LIMK2: variants seen among roughly 807,000 people sequenced by gnomAD.
LIMK2 encodes the protein LIM domain kinase 2.
A neutral mutation model predicts 75.7 loss-of-function variants in LIMK2; 35 were observed. The ratio of observed to expected loss-of-function variants is 0.46; its 90% CI spans 0.35 to 0.61. The LOEUF is 0.61. Among genes scored for constraint, LIMK2 ranks in the 20% least tolerant of loss-of-function variants. The pLI, the probability that LIMK2 is intolerant of heterozygous loss-of-function variation, is 0.00. For missense variants in LIMK2, 623 were observed against 831.0 expected (o/e 0.75, Z 3.08); for synonymous variants, 301 against 319.2 (o/e 0.94, Z 0.61).
At chr22:31,249,132 C>T (rs1334268564) in intron 2 of LIMK2, among the ~76,000 whole-genome samples, 2 of 152,202 alleles carry the variant, frequency 1.3e-5, no homozygotes, top group East Asian at 1.9e-4. Context: ...GTCTTACCTG[C>T]GGGCCATGCT....
chr22:31,269,426 C>G (rs921078280), intron 11 of LIMK2, among the ~76,000 whole-genome samples: 58 of 151,786 alleles, frequency 3.8e-4, no homozygotes, highest in African/African-American at 1.3e-3. Context: ...CCATGCCCGG[C>G]AGGAAAAGAT....
chr22:31,248,919 C>T, intron 2 of LIMK2: 1 of 796,544 alleles, frequency 1.3e-6, no homozygotes, highest in East Asian at 2.6e-5. Context: ...GGAGAATCGG[C>T]CTTGTGAGGT....
chr22:31,258,147 A>T, intron 2 of LIMK2, 144 bp from the exon 3 acceptor site: 1 of 770,838 alleles, frequency 1.3e-6, no homozygotes, highest in Non-Finnish European at 2.0e-6. Flanking sequence ...TTGGGGAGAT[A>T]GCACAAGGCT....
intron 1 of LIMK2, among the ~76,000 whole-genome samples, chr22:31,216,473 G>A (rs1247230958): frequency 3.9e-5 from 6 of 152,120 alleles, no homozygotes; most frequent in Non-Finnish European, 5.9e-5. Context: ...AGTAGGCACC[G>A]TAGGTTTAGA....
intron 1 of LIMK2, among the ~76,000 whole-genome samples, chr22:31,225,441 TTTTG>T (rs1183433488): frequency 6.6e-6 from 1 of 152,200 alleles, no homozygotes; most frequent in East Asian, 1.9e-4. Context: ...AAAAGGCAAG[TTTTG>T]TTTCAGTAGA....
chr22:31,273,847 A>G (rs549530056), intron 14 of LIMK2, among the ~76,000 whole-genome samples: 3 of 151,950 alleles, frequency 2.0e-5, no homozygotes, highest in South Asian at 2.1e-4. Context: ...ACCGGCACAC[A>G]CCACCATGCC....
chr22:31,276,840 C>T, intron 15 of LIMK2: 2 of 1,611,936 alleles, frequency 1.2e-6, no homozygotes, highest in Non-Finnish European at 1.7e-6. Flanking sequence ...ATGATGAGGG[C>T]CCAGTGAGGC....
intron 2 of LIMK2, chr22:31,248,391 A>G: frequency 7.4e-7 from 1 of 1,352,824 alleles, no homozygotes; most frequent in Non-Finnish European, 9.7e-7. Context: ...TTAGCTAGTC[A>G]CCGGCCCCTG....
chr22:31,258,652 G>T, intron 3 of LIMK2: 1 of 519,978 alleles, frequency 1.9e-6, no homozygotes. Context: ...GGGAGGAGAG[G>T]CAGGCAGAGA....
At chr22:31,245,726 A>G (rs1485753163) in intron 2 of LIMK2, among the ~76,000 whole-genome samples, 1 of 152,168 alleles carries the variant, frequency 6.6e-6, no homozygotes, top group African/African-American at 2.4e-5. Context: ...GGCATGAGCC[A>G]CTATGCCTGG....
chr22:31,252,108 T>C lies in LIMK2; in HGVS notation c.117-6183T>C, dbSNP rs116708962. ...GAGAATTTACCTGTAAACATTTTTG[T>C]CTGAAGAATTTGGATGTAAGTGAGG... On this transcript the variant is annotated intron_variant, in intron 2 of 15. Coordinates refer to ENST00000331728, the MANE Select transcript of LIMK2 (RefSeq NM_005569.4). Among the ~76,000 whole-genome samples, 909 of 152,304 alleles carry C rather than the reference T, an allele frequency of 6.0e-3. 11 individuals are homozygous for C. The highest frequency in any genetic ancestry group is 0.021 in the African/African-American group (856 of 41,552).
chr22:31,249,993 G>A (rs2048709224), intron 2 of LIMK2, among the ~76,000 whole-genome samples: 1 of 152,160 alleles, frequency 6.6e-6, no homozygotes, highest in South Asian at 2.1e-4. Context: ...GCCTCACTGG[G>A]CAGCTTTTTC....
intron 2 of LIMK2, among the ~76,000 whole-genome samples, chr22:31,251,223 T>C (rs1258654470): frequency 1.3e-5 from 2 of 152,250 alleles, no homozygotes. Flanking sequence ...CATTTTTCTT[T>C]TTATAGAATT....
In LIMK2 at chr22:31,270,829, G is replaced by C. The variant is rs1036900573; in HGVS notation, c.1318-307G>C. On this transcript the variant is annotated intron_variant, in intron 11 of 15. Transcript: ENST00000331728. The stretch of plus-strand genomic sequence containing the variant: ...GTAGAGGTGGAGGGGGTGCTGCAAC[G>C]GCCAGGGTTTTCTGAAGTTGGGGAC... Among the ~76,000 whole-genome samples, 3 of 152,326 alleles carry C rather than the reference G, an allele frequency of 2.0e-5. No individual in the cohort carries two copies. The East Asian group carries it at 5.8e-4, about 29-fold the overall frequency.
chr22:31,266,548 C>G (rs984917431), intron 8 of LIMK2, among the ~76,000 whole-genome samples: 2 of 152,118 alleles, frequency 1.3e-5, no homozygotes, highest in African/African-American at 4.8e-5. Flanking sequence ...GAGGGGGGGT[C>G]AGGTAAGACG....
chr22:31,253,179 A>T (rs1176541053), intron 2 of LIMK2, among the ~76,000 whole-genome samples: 1 of 151,964 alleles, frequency 6.6e-6, no homozygotes, highest in Non-Finnish European at 1.5e-5. Flanking sequence ...AGCTCAATTC[A>T]CTCTGGCTCC....
chr22:31,266,622 G>A lies in LIMK2; in HGVS notation c.1042-362G>A, dbSNP rs1017288577. ...CCCCCGATCCACCCAGCTCCCTGGT[G>A]CATGTCTTTGGCACTGACCTTCCTG... On this transcript the variant is annotated intron_variant, in intron 8 of 15. Coordinates refer to ENST00000331728, the MANE Select transcript of LIMK2 (RefSeq NM_005569.4). Among the ~76,000 whole-genome samples the A allele has an allele frequency of 9.9e-5, 15 of 152,276 alleles. No homozygotes were observed. The South Asian group carries it at 1.2e-3, about 13-fold the overall frequency.
At chr22:31,221,580 G>T (rs374520216) in intron 1 of LIMK2, among the ~76,000 whole-genome samples, 2 of 152,076 alleles carry the variant, frequency 1.3e-5, no homozygotes, top group Non-Finnish European at 2.9e-5. Flanking sequence ...CGCCTACCAG[G>T]TTCAAGCAAT....
At chr22:31,258,241 G>C in intron 2 of LIMK2, 50 bp from the exon 3 acceptor site, 1 of 1,542,740 alleles carries the variant, frequency 6.5e-7, no homozygotes, top group East Asian at 2.3e-5. Context: ...AGCTTATGTG[G>C]CCTGGTTCCA....
Sources: gnomAD v4.1 joint callset for allele counts (sites outside exome capture counted in the v4.1 genomes callset) on GRCh38, gnomAD v4.1.1 for gene constraint, MANE v1.5 for transcripts, NCBI Gene and HGNC (gene_info 2026-07-23, HGNC 2026-07-21) for gene names.